VTI1A: variants seen among roughly 807,000 people sequenced by gnomAD.
VTI1A encodes vesicle transport through interaction with t-SNAREs homolog 1A.
In VTI1A, 22 loss-of-function variants were observed where a neutral mutation model predicts 34.9. That is an observed-to-expected ratio of 0.63 (90% CI 0.45 to 0.90). VTI1A has a LOEUF of 0.90. Ranked by LOEUF, VTI1A falls within the 40% of genes least tolerant of loss-of-function variation. The pLI is 0.00. For missense variants in VTI1A, 268 were observed against 275.6 expected (o/e 0.97, Z 0.20); for synonymous variants, 87 against 97.3 (o/e 0.89, Z 0.62).
At chr10:112,452,269 T>TA (rs1847266900) in intron 1 of VTI1A, among the ~76,000 whole-genome samples, 1 of 152,124 alleles carries the variant, frequency 6.6e-6, no homozygotes, top group African/African-American at 2.4e-5. Context: ...TTATGTCTCA[T>TA]AAAAAATTTA....
intron 7 of VTI1A, among the ~76,000 whole-genome samples, chr10:112,755,845 G>A (rs1307933225): frequency 1.3e-5 from 2 of 152,180 alleles, no homozygotes; most frequent in African/African-American, 4.8e-5. Context: ...GGTTGGCCTA[G>A]GAGTGCAGTC....
At chr10:112,752,570 A>G (rs774283171) in intron 7 of VTI1A, 15 of 985,302 alleles carry the variant, frequency 1.5e-5, no homozygotes, top group Non-Finnish European at 1.8e-5. Context: ...TGCTTTGGAA[A>G]AACGCCCACT....
At chr10:112,782,258 C>T (rs796891445) in intron 7 of VTI1A, among the ~76,000 whole-genome samples, 23 of 152,346 alleles carry the variant, frequency 1.5e-4, no homozygotes, top group African/African-American at 5.3e-4. Flanking sequence ...CACTGGCTGT[C>T]GCCAGTTGCA....
chr10:112,634,783 T>A (rs1332427722), intron 5 of VTI1A, among the ~76,000 whole-genome samples: 3 of 152,238 alleles, frequency 2.0e-5, no homozygotes, highest in Admixed American at 2.0e-4. Flanking sequence ...ATGACTTTTT[T>A]ATATATCTGC....
At chr10:112,612,534 AC>A (rs1845358963) in intron 5 of VTI1A, among the ~76,000 whole-genome samples, 1 of 152,144 alleles carries the variant, frequency 6.6e-6, no homozygotes, top group South Asian at 2.1e-4. Flanking sequence ...TGATCCTCCC[AC>A]CTCAGCCTCC....
chr10:112,631,072 T>A (rs1026937230), intron 5 of VTI1A, among the ~76,000 whole-genome samples: 3 of 151,750 alleles, frequency 2.0e-5, no homozygotes, highest in African/African-American at 7.3e-5. Flanking sequence ...GAGGTTGCAG[T>A]GAGCCGAGAT....
intron 5 of VTI1A, among the ~76,000 whole-genome samples, chr10:112,565,740 C>T (rs111325237): frequency 8.1e-4 from 123 of 152,170 alleles, no homozygotes; most frequent in African/African-American, 2.6e-3. Context: ...ATCAAGAGGA[C>T]GGGCTATCAG....
chr10:112,614,372 T>G (rs1845438363), intron 5 of VTI1A, among the ~76,000 whole-genome samples: 1 of 152,116 alleles, frequency 6.6e-6, no homozygotes, highest in South Asian at 2.1e-4. Context: ...CTTACTACAC[T>G]TGAGGGGGAG....
chr10:112,518,587 C>CTATA lies in VTI1A; in HGVS notation c.265-8499_265-8498insATAT, dbSNP rs1274288724. On this transcript the variant is annotated intron_variant, in intron 3 of 7. Coordinates refer to ENST00000393077, the MANE Select transcript of VTI1A (RefSeq NM_145206.4). ...TCTCTCTCTCTCTCTCTCTCTCTCTCTCTATATATATATATATATATATAT... is the reference window on the plus strand; with the variant it reads ...TCTCTCTCTCTCTCTCTCTCTCTCTCTATATCTATATATATATATATATATATAT... Among the ~76,000 whole-genome samples the CTATA allele has an allele frequency of 1.8e-4, 17 of 93,682 alleles. No individual in the cohort carries two copies. The East Asian group carries it at 2.1e-3, about 12-fold the overall frequency. The allele number at this position is 93,682 out of a possible 152,430, so 61.5% of individuals were successfully genotyped here. A position where few individuals can be genotyped will look rare whatever the true frequency, so the allele number is the denominator to read the frequency against.
intron 3 of VTI1A, among the ~76,000 whole-genome samples, chr10:112,510,715 A>G (rs10509964): frequency 6.6e-6 from 1 of 152,234 alleles, no homozygotes. Flanking sequence ...TTCATTGCCA[A>G]ATAGTTTTAA....
intron 7 of VTI1A, chr10:112,677,759 G>A (rs1848080812): frequency 6.6e-6 from 1 of 152,228 alleles, no homozygotes; most frequent in African/African-American, 2.4e-5. Context: ...ATAACCAGTT[G>A]ATAACGTGGT....
At chr10:112,649,442 T>A (rs531451621) in intron 5 of VTI1A, among the ~76,000 whole-genome samples, 3 of 152,236 alleles carry the variant, frequency 2.0e-5, no homozygotes, top group Non-Finnish European at 4.4e-5. Context: ...ATCTAGTGCC[T>A]ACTATGGGCT....
intron 7 of VTI1A, among the ~76,000 whole-genome samples, chr10:112,688,347 C>T (rs896395540): frequency 5.3e-5 from 8 of 151,962 alleles, no homozygotes; most frequent in African/African-American, 1.9e-4. Context: ...TCACTCCTAA[C>T]ACCATAACCT....
At chr10:112,484,653 A>G (rs954269984) in intron 3 of VTI1A, among the ~76,000 whole-genome samples, 3 of 152,148 alleles carry the variant, frequency 2.0e-5, no homozygotes, top group Admixed American at 6.5e-5. Context: ...GATCTTCAAG[A>G]GAGGAGAGTG....
chr10:112,753,563 A>T (rs1851177834), intron 7 of VTI1A, among the ~76,000 whole-genome samples: 1 of 152,058 alleles, frequency 6.6e-6, no homozygotes, highest in East Asian at 1.9e-4. Context: ...TTTGCAAAGA[A>T]TTTTTTCCAT....
At chr10:112,849,270 G>A in the VTI1A span, among the ~76,000 whole-genome samples, 1 of 152,248 alleles carries the variant, frequency 6.6e-6, no homozygotes, top group Admixed American at 6.5e-5. Context: ...GGCAGTGCCA[G>A]CTCAGAGCCC....
At chr10:112,757,429 C>G (rs1272689639) in intron 7 of VTI1A, among the ~76,000 whole-genome samples, 6 of 129,880 alleles carry the variant, frequency 4.6e-5, no homozygotes, top group Non-Finnish European at 9.3e-5. Flanking sequence ...TGCAGTGACA[C>G]CATCTCAGCT....
At chr10:112,567,529 A>T (rs1851949070) in intron 5 of VTI1A, among the ~76,000 whole-genome samples, 1 of 152,230 alleles carries the variant, frequency 6.6e-6, no homozygotes, top group South Asian at 2.1e-4. Context: ...AAGTTATAAC[A>T]TTAGGCTAAC....
the VTI1A span, among the ~76,000 whole-genome samples, chr10:112,852,201 C>T: frequency 6.6e-6 from 1 of 152,156 alleles, no homozygotes; most frequent in Non-Finnish European, 1.5e-5. Context: ...TCAAATACTT[C>T]TGAGTAGATA....
Sources: allele counts gnomAD v4.1 joint callset (sites outside exome capture counted in the v4.1 genomes callset), GRCh38; gene constraint gnomAD v4.1.1; transcripts MANE v1.5; gene names NCBI Gene and HGNC (gene_info 2026-07-23, HGNC 2026-07-21).